FNIP2: variants seen among roughly 807,000 people sequenced by gnomAD.
The protein encoded by FNIP2 is folliculin interacting protein 2.
In FNIP2, 32 loss-of-function variants were observed where a neutral mutation model predicts 108.7. That is an observed-to-expected ratio of 0.29 (90% confidence interval 0.22 to 0.40). The LOEUF is 0.40. Among genes scored for constraint, FNIP2 ranks in the 10% least tolerant of loss-of-function variants. The pLI is 1.00. For missense variants in FNIP2, 1,202 were observed against 1,381.6 expected, an observed-to-expected ratio of 0.87 and a Z score of 2.06; for synonymous variants, 480 against 496.7, an observed-to-expected ratio of 0.97 and a Z score of 0.45.
intron 1 of FNIP2, chr4:158,795,721 C>T (rs1038720929): frequency 5.3e-5 from 8 of 152,272 alleles, no homozygotes; most frequent in African/African-American, 1.9e-4. Flanking sequence ...AGCTGATCCC[C>T]ATCGCCGATG....
At chr4:158,791,346 C>T (rs997149393) in intron 1 of FNIP2, among the ~76,000 whole-genome samples, 3 of 136,586 alleles carry the variant, frequency 2.2e-5, no homozygotes, top group Admixed American at 8.3e-5. Context: ...TGCAATGGTG[C>T]GATCTCAGCT....
Position 158,868,427 on chromosome 4 carries a change from G to A in FNIP2, c.1791G>A (p.Gly597=). The change falls in exon 13 of 17, where the codon GGG becomes GGA. Residue 597 remains glycine, a synonymous_variant. Coordinates refer to ENST00000264433, the MANE Select transcript of FNIP2 (RefSeq NM_020840.3). This position sits in a 1 kb window ranked among gnomAD's most constrained non-coding sequence, Gnocchi z 4.6. The part of the protein sequence containing the change: ...AAERHNPWPT[G]FPECPEGTDS... Reference sequence around the variant, plus strand: ...AGAGACACAACCCCTGGCCGACAGGGTTTCCTGAGTGCCCAGAGGGCACTG... The same window carrying A: ...AGAGACACAACCCCTGGCCGACAGGATTTCCTGAGTGCCCAGAGGGCACTG... 1.2e-6 allele frequency: 2 copies of A among 1,614,018 alleles called. No individual in the cohort carries two copies. Among genetic ancestry groups the A allele is most frequent in the Non-Finnish European group, 1.7e-6 (2 of 1,179,896 alleles).
intron 1 of FNIP2, among the ~76,000 whole-genome samples, chr4:158,807,042 T>C (rs151100752): frequency 6.6e-6 from 1 of 152,364 alleles, no homozygotes; most frequent in African/African-American, 2.4e-5. Flanking sequence ...TTTATTAATT[T>C]TATTATTAGT....
At chr4:158,829,279 A>G in intron 3 of FNIP2, 54 bp downstream of exon 3, 2 of 1,457,584 alleles carry the variant, frequency 1.4e-6, no homozygotes. Context: ...TATTTACTGT[A>G]ATTTCTCCTT....
chr4:158,879,075 G>C (rs1781442629), intron 14 of FNIP2, among the ~76,000 whole-genome samples: 1 of 150,080 alleles, frequency 6.7e-6, no homozygotes, highest in South Asian at 2.1e-4. Flanking sequence ...AGAGTGAAGA[G>C]ACTTTATAGC....
intron 14 of FNIP2, chr4:158,871,281 G>T: frequency 1.6e-6 from 1 of 643,322 alleles, no homozygotes; most frequent in Non-Finnish European, 1.9e-6. Flanking sequence ...AGCTGTTATT[G>T]GGCAGATGTG....
chr4:158,864,240 G>A (rs913344517), intron 12 of FNIP2, among the ~76,000 whole-genome samples: 1 of 152,106 alleles, frequency 6.6e-6, no homozygotes, highest in African/African-American at 2.4e-5. Context: ...TTGCAGGCTG[G>A]TCGCTGGTCT....
chr4:158,858,522 T>C (rs1780113066), intron 8 of FNIP2, among the ~76,000 whole-genome samples: 1 of 152,106 alleles, frequency 6.6e-6, no homozygotes, highest in Non-Finnish European at 1.5e-5. Flanking sequence ...GAGAGGTAAG[T>C]GTTTCTGCTT....
intron 14 of FNIP2, among the ~76,000 whole-genome samples, chr4:158,888,665 G>T (rs1410427569): frequency 6.6e-6 from 1 of 152,146 alleles, no homozygotes; most frequent in Non-Finnish European, 1.5e-5. Context: ...AAGGCAGGCA[G>T]ATCACTTGAG....
At chr4:158,800,927 A>G (rs1776740860) in intron 1 of FNIP2, among the ~76,000 whole-genome samples, 1 of 152,168 alleles carries the variant, frequency 6.6e-6, no homozygotes, top group African/African-American at 2.4e-5. Flanking sequence ...TGCTTTTTAA[A>G]GTATGGAGAC....
intron 1 of FNIP2, among the ~76,000 whole-genome samples, chr4:158,777,972 C>T (rs566668824): frequency 4.6e-5 from 7 of 152,204 alleles, no homozygotes; most frequent in Middle Eastern, 3.4e-3. Context: ...TATGCAAATA[C>T]AGGAAAAAAA....
intron 1 of FNIP2, among the ~76,000 whole-genome samples, chr4:158,804,986 T>G (rs1385769696): frequency 6.6e-6 from 1 of 152,210 alleles, no homozygotes; most frequent in African/African-American, 2.4e-5. Flanking sequence ...TTGAGTTTAT[T>G]TTGAAGGAAT....
intron 1 of FNIP2, among the ~76,000 whole-genome samples, chr4:158,815,386 T>G (rs969318333): frequency 5.6e-4 from 83 of 148,448 alleles, no homozygotes; most frequent in Non-Finnish European, 1.0e-3. Flanking sequence ...TAATCCAGCT[T>G]TTTTTTTTTT....
At chr4:158,773,431 G>A (rs1775761495) in intron 1 of FNIP2, among the ~76,000 whole-genome samples, 1 of 152,148 alleles carries the variant, frequency 6.6e-6, no homozygotes, top group African/African-American at 2.4e-5. Flanking sequence ...CATGTTGATG[G>A]GAGACCCAAC....
intron 1 of FNIP2, among the ~76,000 whole-genome samples, chr4:158,773,271 A>G (rs892989801): frequency 1.8e-4 from 28 of 152,264 alleles, no homozygotes; most frequent in Non-Finnish European, 2.6e-4. Context: ...TCCTTACATC[A>G]TATCTCCTTG....
rs745967068 is a variant in FNIP2 at position 158,904,507 on chromosome 4, G to C, written c.3308G>C (p.Ser1103Thr). 2.5e-6 allele frequency: 4 copies of C among 1,613,236 alleles called. No individual in the cohort carries two copies. In the East Asian group the frequency reaches 8.9e-5, roughly 36 times the overall value. ...CTGCCTCTGTTGACTGCTATTGCCA[G>C]TACTCATTCTCCTTATGTGGCTCAA... ...NDLPLLTAIASTHSPYVAQIL... is the reference protein window; with the variant it reads ...NDLPLLTAIATTHSPYVAQIL... The change falls in exon 17 of 17, where the codon AGT (serine) becomes ACT (threonine). Residue 1103 changes from serine (S) to threonine (T), a missense_variant. Physicochemically the swap from Ser to Thr is moderately conservative, Grantham distance 58. This residue lies in a region of FNIP2 where 142 missense variants were observed against 183.8 expected (regional missense o/e 0.77). Coordinates refer to ENST00000264433, the MANE Select transcript of FNIP2 (RefSeq NM_020840.3).
chr4:158,890,460 T>C (rs1247594919), intron 14 of FNIP2: 1 of 614,832 alleles, frequency 1.6e-6, no homozygotes, highest in Non-Finnish European at 2.0e-6. Context: ...CAGGACAGAG[T>C]CCAAGACTAG....
chr4:158,831,342 A>G (rs1047766246), intron 3 of FNIP2, among the ~76,000 whole-genome samples: 7 of 152,204 alleles, frequency 4.6e-5, no homozygotes, highest in African/African-American at 1.7e-4. Flanking sequence ...GAGGGGTCAA[A>G]TGTTGTTGAA....
At chr4:158,848,483 A>G (rs911164718) in intron 7 of FNIP2, among the ~76,000 whole-genome samples, 2 of 152,208 alleles carry the variant, frequency 1.3e-5, no homozygotes, top group African/African-American at 4.8e-5. Flanking sequence ...AAATATTTGG[A>G]AAGCCTGCCC....
Sources: allele counts gnomAD v4.1 joint callset (sites outside exome capture counted in the v4.1 genomes callset), GRCh38; gene constraint gnomAD v4.1.1; regional missense constraint gnomAD v4.1.1; non-coding constraint Gnocchi (gnomAD v3.1); transcripts MANE v1.5; gene names NCBI Gene and HGNC (gene_info 2026-07-23, HGNC 2026-07-21).